Variants in CDC14A observed in about 807,000 individuals in gnomAD.
CDC14A encodes dual specificity protein phosphatase CDC14A.
CDC14A carries 53 observed loss-of-function variants against 74.4 expected under a neutral mutation model. That is an observed-to-expected ratio of 0.71 (90% CI 0.57 to 0.89). CDC14A has a LOEUF of 0.89. CDC14A is among the 40% of genes least tolerant of loss of function. CDC14A has a pLI of 0.00. For synonymous variants in CDC14A, 247 were observed against 258.4 expected (o/e 0.96, Z 0.43); for missense variants, 646 against 713.7 (o/e 0.91, Z 1.08).
At chr1:100,443,055 C>T in intron 7 of CDC14A, 59 bp downstream of exon 7, 8 of 1,125,408 alleles carry the variant, frequency 7.1e-6, no homozygotes, top group Non-Finnish European at 1.1e-5. Flanking sequence ...TTTTTTCCCC[C>T]TGTCACACTC....
chr1:100,455,556 C>A, intron 8 of CDC14A, 64 bp downstream of exon 8: 1 of 909,050 alleles, frequency 1.1e-6, no homozygotes, highest in Non-Finnish European at 1.7e-6. Flanking sequence ...AGTTTCTTAA[C>A]TTCCTCAGAT....
At chr1:100,398,365 C>T (rs1188140577) in intron 4 of CDC14A, among the ~76,000 whole-genome samples, 1 of 152,120 alleles carries the variant, frequency 6.6e-6, no homozygotes, top group African/African-American at 2.4e-5. Flanking sequence ...GCCCATCTTC[C>T]TCTTGTCCAT....
chr1:100,361,484 G>A (rs989534774), intron 2 of CDC14A, among the ~76,000 whole-genome samples: 1 of 152,154 alleles, frequency 6.6e-6, no homozygotes, highest in African/African-American at 2.4e-5. Context: ...ATCTCTGTGA[G>A]GACCAGTACT....
At chr1:100,373,882 C>T (rs1460521492) in intron 2 of CDC14A, among the ~76,000 whole-genome samples, 2 of 151,920 alleles carry the variant, frequency 1.3e-5, no homozygotes, top group African/African-American at 4.8e-5. Context: ...TATACATGTG[C>T]CATGCTGGTG....
intron 10 of CDC14A, among the ~76,000 whole-genome samples, chr1:100,475,066 C>T (rs1032956942): frequency 6.6e-6 from 1 of 151,934 alleles, no homozygotes; most frequent in Non-Finnish European, 1.5e-5. Flanking sequence ...TGTTATAGTC[C>T]CACAGCTCTC....
chr1:100,442,965 C>A lies in CDC14A; in HGVS notation c.488C>A (p.Thr163Lys), dbSNP rs760703579. ...GLQHGFFDFE[T>K]FDVDEYEHYE... Reference sequence around the variant, plus strand: ...CAACATGGATTTTTTGACTTTGAGACATTTGATGTGGATGAATATGAACAT... The same window carrying A: ...CAACATGGATTTTTTGACTTTGAGAAATTTGATGTGGATGAATATGAACAT... The change falls in exon 7 of 16, where the codon ACA becomes AAA. Residue 163 changes from threonine (T) to lysine (K), a missense_variant. Transcript: ENST00000336454. The A allele has an allele frequency of 5.6e-6, 9 of 1,603,222 alleles. No individual in the cohort carries two copies. Among genetic ancestry groups the A allele is most frequent in the Non-Finnish European group, 7.7e-6 (9 of 1,170,926 alleles).
At chr1:100,356,120 T>A (rs1651852114) in intron 2 of CDC14A, among the ~76,000 whole-genome samples, 2 of 152,044 alleles carry the variant, frequency 1.3e-5, no homozygotes, top group Non-Finnish European at 1.5e-5. Flanking sequence ...AGGGAACATG[T>A]AGGGGATGGA....
At chr1:100,435,721 C>T (rs186834091) in intron 5 of CDC14A, among the ~76,000 whole-genome samples, 88 of 151,310 alleles carry the variant, frequency 5.8e-4, no homozygotes, top group Non-Finnish European at 7.4e-4. Flanking sequence ...CCCAGCTACC[C>T]GGGAGGGTGA....
intron 4 of CDC14A, chr1:100,393,256 T>A: frequency 6.9e-7 from 1 of 1,445,620 alleles, no homozygotes; most frequent in Non-Finnish European, 9.7e-7. Flanking sequence ...TGAAGTTCTT[T>A]CTGTGCATGT....
intron 1 of CDC14A, among the ~76,000 whole-genome samples, chr1:100,353,236 G>C (rs1327547290): frequency 1.3e-5 from 2 of 152,164 alleles, no homozygotes; most frequent in East Asian, 3.9e-4. Flanking sequence ...CCTCGTAATG[G>C]GACAGCACCG....
At chr1:100,511,318 T>C (rs564011775) in intron 15 of CDC14A, among the ~76,000 whole-genome samples, 116 of 152,136 alleles carry the variant, frequency 7.6e-4, no homozygotes, top group Non-Finnish European at 1.6e-3. Context: ...CCCCCTCCCT[T>C]GTCTCTTTGA....
chr1:100,410,494 T>C (rs1660542791), intron 4 of CDC14A, among the ~76,000 whole-genome samples: 1 of 149,382 alleles, frequency 6.7e-6, no homozygotes, highest in African/African-American at 2.6e-5. Context: ...CTAATTTTTG[T>C]ATTTTAGTAG....
rs1662683344 is a variant in CDC14A, at chr1:100,424,227, C to G, written c.315C>G (p.Ile105Met). ...AAFLIGAYAVIYLKKTPEEAY... is the reference protein window; with the variant it reads ...AAFLIGAYAVMYLKKTPEEAY... Reference sequence around the variant, plus strand: ...TTACTATTTATCTGTCTTAGGTAATCTATTTAAAGAAGACACCAGAAGAAG... The same window carrying G: ...TTACTATTTATCTGTCTTAGGTAATGTATTTAAAGAAGACACCAGAAGAAG... Residue 105 changes from isoleucine to methionine, a missense_variant, in exon 5 of 16, where the codon ATC (isoleucine) becomes ATG (methionine). Transcript: ENST00000336454. 1 of 1,609,028 alleles carries G rather than the reference C, an allele frequency of 6.2e-7. No individual in the cohort carries two copies. The highest frequency in any genetic ancestry group is 1.3e-5 in the African/African-American group (1 of 74,770).
chr1:100,402,491 A>G (rs1312778520), intron 4 of CDC14A, among the ~76,000 whole-genome samples: 3 of 152,164 alleles, frequency 2.0e-5, no homozygotes, highest in African/African-American at 7.2e-5. Flanking sequence ...TTGATATTGA[A>G]TGTATTTGAT....
chr1:100,466,946 A>G (rs1318083468), intron 9 of CDC14A, among the ~76,000 whole-genome samples: 1 of 149,694 alleles, frequency 6.7e-6, no homozygotes, highest in African/African-American at 2.4e-5. Flanking sequence ...TTGTTGTTTT[A>G]GTGGGATGAA....
chr1:100,352,993 G>A lies in CDC14A; in HGVS notation c.39G>A (p.Glu13=). ...CAGGGGAACTAATCGGGGCTTGTGA[G>A]TTCATGAAAGGTGAGGAGCAGCCGC... ...AESGELIGAC[E]FMKDRLYFAT... The change falls in exon 1 of 16, where the codon GAG becomes GAA. Residue 13 remains glutamate, a synonymous_variant. Coordinates refer to ENST00000336454, the MANE Select transcript of CDC14A (RefSeq NM_003672.4). 1 of 1,614,136 alleles carries A rather than the reference G, an allele frequency of 6.2e-7. No individual in the cohort carries two copies. Among genetic ancestry groups the A allele is most frequent in the Non-Finnish European group, 8.5e-7 (1 of 1,180,018 alleles).
At chr1:100,449,566 C>G (rs1571220174) in intron 7 of CDC14A, among the ~76,000 whole-genome samples, 2 of 152,218 alleles carry the variant, frequency 1.3e-5, no homozygotes, top group East Asian at 3.9e-4. Flanking sequence ...GTCAGCTCTT[C>G]TTTCTGGTCC....
intron 10 of CDC14A, among the ~76,000 whole-genome samples, chr1:100,472,628 A>T: frequency 6.6e-6 from 1 of 150,722 alleles, no homozygotes. Context: ...ATTGTCTGAG[A>T]CTCTTAGTTT....
At chr1:100,510,592 T>C (rs1649674762) in intron 15 of CDC14A, among the ~76,000 whole-genome samples, 1 of 152,314 alleles carries the variant, frequency 6.6e-6, no homozygotes, top group South Asian at 2.1e-4. Flanking sequence ...ACAGCCTGCA[T>C]AGTCATTTTT....
Sources: allele counts gnomAD v4.1 joint callset (sites outside exome capture counted in the v4.1 genomes callset), GRCh38; gene constraint gnomAD v4.1.1; transcripts MANE v1.5; gene names NCBI Gene and HGNC (gene_info 2026-07-23, HGNC 2026-07-21).